TTC39C: variants seen among roughly 807,000 people sequenced by gnomAD.
TTC39C encodes the protein tetratricopeptide repeat domain 39C.
A neutral mutation model predicts 76.3 loss-of-function variants in TTC39C; 33 were observed. The ratio of observed to expected loss-of-function variants is 0.43; its 90% CI spans 0.33 to 0.58. The LOEUF is 0.58. Ranked by LOEUF, TTC39C falls within the 20% of genes least tolerant of loss-of-function variation. TTC39C has a pLI of 0.04. For synonymous variants in TTC39C, 254 were observed against 260.6 expected (o/e 0.97, Z 0.24); for missense variants, 595 against 701.4 (o/e 0.85, Z 1.71).
intron 1 of TTC39C, chr18:24,019,986 GAGGACTGGA>G: frequency 6.8e-7 from 1 of 1,460,264 alleles, no homozygotes; most frequent in Non-Finnish European, 8.9e-7. Flanking sequence ...AGATTCTTGG[GAGGACTGGA>G]AGGACTTGCA....
chr18:23,996,578 C>T (rs4800526), intron 1 of TTC39C, among the ~76,000 whole-genome samples: 15,248 of 152,240 alleles, frequency 0.1, 1,427 homozygotes, highest in African/African-American at 0.22. Flanking sequence ...ATATCTTCTG[C>T]TTTAAAATCA....
chr18:24,011,916 G>A (rs1453758865), upstream of TTC39C, among the ~76,000 whole-genome samples: 2 of 152,214 alleles, frequency 1.3e-5, no homozygotes, highest in Non-Finnish European at 2.9e-5. Flanking sequence ...GGAAGGTGCT[G>A]AGAATCTCAC....
At chr18:24,043,443 A>G (rs2083822757) in intron 1 of TTC39C, among the ~76,000 whole-genome samples, 1 of 152,210 alleles carries the variant, frequency 6.6e-6, no homozygotes, top group South Asian at 2.1e-4. Context: ...ACATTGAGAG[A>G]ATCAAGTTAT....
chr18:24,104,538 C>T (rs965002101), intron 6 of TTC39C, among the ~76,000 whole-genome samples: 1 of 152,210 alleles, frequency 6.6e-6, no homozygotes, highest in Non-Finnish European at 1.5e-5. Context: ...TCTCAGGACA[C>T]TCTACGTGAA....
chr18:24,132,381 G>A lies in TTC39C; in HGVS notation c.1663-104G>A, dbSNP rs2085141185. On this transcript the variant is annotated intron_variant, in intron 13 of 13. Coordinates refer to ENST00000317571, the MANE Select transcript of TTC39C (RefSeq NM_001135993.2). ...ATGGGAAACCTTTACTGGGAGTGTA[G>A]AGATTTTACTTTGGGAAATGCAAAA... 6 of 847,046 alleles carry A rather than the reference G, an allele frequency of 7.1e-6. No individual in the cohort carries two copies. The East Asian group carries it at 1.7e-4, about 24-fold the overall frequency. 52.5% of individuals were successfully genotyped at this position (847,046 alleles called of 1,614,324 possible). A position where few individuals can be genotyped will look rare whatever the true frequency, so the allele number is the denominator to read the frequency against.
intron 12 of TTC39C, among the ~76,000 whole-genome samples, chr18:24,130,758 A>G (rs563358646): frequency 7.9e-5 from 12 of 152,270 alleles, no homozygotes; most frequent in Admixed American, 2.6e-4. Flanking sequence ...GGCTGTATCT[A>G]TAGCCTATTG....
intron 10 of TTC39C, 110 bp downstream of exon 10, chr18:24,125,660 G>A (rs2306811): frequency 0.6 from 852,011 of 1,419,072 alleles, 265,511 homozygotes; most frequent in Non-Finnish European, 0.65. Flanking sequence ...ATCGGAGTCA[G>A]GGAGAGTACA....
At chr18:24,011,328 G>C (rs1301598075), upstream of TTC39C, among the ~76,000 whole-genome samples, 1 of 152,218 alleles carries the variant, frequency 6.6e-6, no homozygotes, top group Non-Finnish European at 1.5e-5. Flanking sequence ...ATTAAAGCCA[G>C]TGAGATTTAA....
intron 1 of TTC39C, among the ~76,000 whole-genome samples, chr18:24,024,825 G>A (rs532298434): frequency 7.9e-5 from 12 of 152,306 alleles, no homozygotes; most frequent in Admixed American, 2.6e-4. Flanking sequence ...TCAGAGTAAG[G>A]TTGAAAAACA....
At chr18:24,121,370 C>T (rs1568445502) in intron 8 of TTC39C, among the ~76,000 whole-genome samples, 1 of 151,830 alleles carries the variant, frequency 6.6e-6, no homozygotes, top group Non-Finnish European at 1.5e-5. Flanking sequence ...GTCGGGAGTT[C>T]GAGACCAGCC....
intron 1 of TTC39C, among the ~76,000 whole-genome samples, chr18:24,026,394 T>C (rs2083600407): frequency 6.6e-6 from 1 of 152,192 alleles, no homozygotes; most frequent in African/African-American, 2.4e-5. Flanking sequence ...CAAAGTTCCA[T>C]GGTCTTTAGA....
At chr18:24,029,843 T>A (rs1196396997) in intron 1 of TTC39C, among the ~76,000 whole-genome samples, 1 of 152,268 alleles carries the variant, frequency 6.6e-6, no homozygotes, top group African/African-American at 2.4e-5. Context: ...TCATTTCTTT[T>A]CATGGCTGAG....
chr18:24,072,104 G>A (rs1294962373), intron 4 of TTC39C, among the ~76,000 whole-genome samples: 1 of 151,330 alleles, frequency 6.6e-6, no homozygotes, highest in Non-Finnish European at 1.5e-5. Context: ...TGGGATCCAT[G>A]TTTCTTAGAA....
intron 4 of TTC39C, among the ~76,000 whole-genome samples, chr18:24,074,564 C>T (rs768064383): frequency 1.2e-4 from 19 of 152,066 alleles, no homozygotes; most frequent in Admixed American, 2.6e-4. Flanking sequence ...TCATCATCAC[C>T]GGCCATCAGA....
At chr18:24,068,154 T>G (rs958010278) in intron 3 of TTC39C, among the ~76,000 whole-genome samples, 3 of 152,210 alleles carry the variant, frequency 2.0e-5, no homozygotes, top group African/African-American at 7.2e-5. Flanking sequence ...TGTTAATAAT[T>G]AAGATTTGTA....
Position 24,135,428 on chromosome 18 carries a change from C to CA in TTC39C, c.*2855dup, listed in dbSNP as rs1199753629. 2 of 152,974 alleles carry CA rather than the reference C, an allele frequency of 1.3e-5. No individual in the cohort carries two copies. Among genetic ancestry groups the CA allele is most frequent in the African/African-American group, 4.8e-5 (2 of 41,398 alleles). 9.5% of individuals were successfully genotyped at this position (152,974 alleles called of 1,614,324 possible). ...TCTAGACTCCAAAACAACAAAACCA[C>CA]AGTGTGAGTACACTGTCCCATTAGG... is the stretch of plus-strand genomic sequence containing the variant. On this transcript the variant is annotated 3_prime_UTR_variant, in exon 14 of 14. Coordinates refer to ENST00000317571, the MANE Select transcript of TTC39C (RefSeq NM_001135993.2).
At chr18:24,022,268 T>G (rs995079422) in intron 1 of TTC39C, among the ~76,000 whole-genome samples, 1 of 152,202 alleles carries the variant, frequency 6.6e-6, no homozygotes, top group Non-Finnish European at 1.5e-5. Flanking sequence ...GAACACATTC[T>G]TTTAAAGGCT....
upstream of TTC39C, among the ~76,000 whole-genome samples, chr18:24,013,573 A>C (rs909964741): frequency 6.6e-6 from 1 of 152,236 alleles, no homozygotes; most frequent in Non-Finnish European, 1.5e-5. Context: ...ATTTAAAAAA[A>C]ATTCTGTTAT....
chr18:24,109,822 T>C (rs1035012470), intron 6 of TTC39C, among the ~76,000 whole-genome samples: 3 of 152,062 alleles, frequency 2.0e-5, no homozygotes, highest in African/African-American at 7.2e-5. Context: ...CTGGCCAACA[T>C]GGTGAAACCC....
Sources: allele counts gnomAD v4.1 joint callset (sites outside exome capture counted in the v4.1 genomes callset), GRCh38; gene constraint gnomAD v4.1.1; transcripts MANE v1.5; gene names NCBI Gene and HGNC (gene_info 2026-07-23, HGNC 2026-07-21).